PRKG1: variants seen among roughly 807,000 people sequenced by gnomAD.
PRKG1 encodes the protein cGMP-dependent protein kinase 1.
PRKG1 carries 35 observed loss-of-function variants against 88.1 expected under a neutral mutation model. The observed-to-expected ratio is 0.40, with a 90% CI of 0.30 to 0.53. PRKG1 has a LOEUF of 0.53. PRKG1 is among the 20% of genes least tolerant of loss of function. The pLI is 0.59. For missense variants in PRKG1, 540 were observed against 839.8 expected (o/e 0.64, Z 4.41); for synonymous variants, 303 against 292.5 (o/e 1.04, Z -0.37).
chr10:52,111,589 T>A (rs548260282), intron 7 of PRKG1, among the ~76,000 whole-genome samples: 1 of 152,326 alleles, frequency 6.6e-6, no homozygotes, highest in African/African-American at 2.4e-5. Flanking sequence ...CTGGATTGTG[T>A]ATGTCAGTGA....
At chr10:51,569,512 G>T (rs773794917) in intron 3 of PRKG1, among the ~76,000 whole-genome samples, 3 of 151,968 alleles carry the variant, frequency 2.0e-5, no homozygotes, top group Non-Finnish European at 4.4e-5. Flanking sequence ...TTTGTAAAAT[G>T]CTTTGTGTAC....
At chr10:51,658,584 A>G (rs1195206446) in intron 3 of PRKG1, among the ~76,000 whole-genome samples, 1 of 152,084 alleles carries the variant, frequency 6.6e-6, no homozygotes, top group Non-Finnish European at 1.5e-5. Context: ...AGGGAAAAAA[A>G]AAAAATTCAT....
chr10:51,428,970 A>G (rs1335020785), intron 2 of PRKG1, among the ~76,000 whole-genome samples: 1 of 150,806 alleles, frequency 6.6e-6, no homozygotes, highest in Admixed American at 6.6e-5. Flanking sequence ...GTCTGTACAC[A>G]TGTGCAAATT....
intron 3 of PRKG1, among the ~76,000 whole-genome samples, chr10:51,766,273 TA>T (rs1838160461): frequency 6.6e-6 from 1 of 152,176 alleles, no homozygotes; most frequent in Admixed American, 6.5e-5. Flanking sequence ...CTCATTTGCA[TA>T]AGGCACACAT....
intron 1 of PRKG1, among the ~76,000 whole-genome samples, chr10:51,147,658 AT>A (rs1845974899): frequency 6.6e-6 from 1 of 152,214 alleles, no homozygotes; most frequent in Non-Finnish European, 1.5e-5. Flanking sequence ...AATGTATGTA[AT>A]AAAAGATAAA....
At chr10:51,885,363 T>G (rs1841541873) in intron 4 of PRKG1, among the ~76,000 whole-genome samples, 1 of 152,260 alleles carries the variant, frequency 6.6e-6, no homozygotes, top group Non-Finnish European at 1.5e-5. Flanking sequence ...TTTAGCAATA[T>G]AAGATAAAAT....
intron 6 of PRKG1, among the ~76,000 whole-genome samples, chr10:52,056,977 G>A (rs7086973): frequency 0.014 from 2,138 of 152,200 alleles, 52 homozygotes; most frequent in African/African-American, 0.049. Context: ...AGGCAAATAA[G>A]TTGTGGAACT....
chr10:52,286,141 A>C (rs1445355595), intron 14 of PRKG1, among the ~76,000 whole-genome samples: 3 of 152,122 alleles, frequency 2.0e-5, no homozygotes, highest in Non-Finnish European at 4.4e-5. Flanking sequence ...TGAATTAATG[A>C]ATTAAATTCA....
At position 51,233,003 on chromosome 10, in the gene PRKG1, G is replaced by A. The variant is rs1004728404; in HGVS notation, c.478+79673G>A. Among the ~76,000 whole-genome samples the A allele has an allele frequency of 2.6e-5, 4 of 152,330 alleles. No individual in the cohort carries two copies. The East Asian group carries it at 7.7e-4, about 29-fold the overall frequency. ...TGGGCTCAAAGACTCAAGATATTCA[G>A]TGATGAGCCCCAAAACTGCAGTGCA... On this transcript the variant is annotated intron_variant, in intron 2 of 17. Coordinates refer to ENST00000373980, the MANE Select transcript of PRKG1 (RefSeq NM_006258.4).
chr10:51,744,312 G>A (rs942706477), intron 3 of PRKG1, among the ~76,000 whole-genome samples: 3 of 152,176 alleles, frequency 2.0e-5, no homozygotes, highest in Non-Finnish European at 4.4e-5. Flanking sequence ...AAGCAGAAGA[G>A]CTGGGACTTG....
chr10:51,717,078 G>T (rs1412329066), intron 3 of PRKG1, among the ~76,000 whole-genome samples: 9 of 152,306 alleles, frequency 5.9e-5, no homozygotes, highest in Admixed American at 5.2e-4. Context: ...TGAACACACT[G>T]GTGGGCAGCG....
intron 3 of PRKG1, among the ~76,000 whole-genome samples, chr10:51,674,714 G>A (rs974502683): frequency 3.3e-5 from 5 of 152,142 alleles, no homozygotes; most frequent in African/African-American, 7.2e-5. Context: ...TACCAATGGA[G>A]GGAATTAAAT....
Position 52,296,423 on chromosome 10 carries a change from T to A in PRKG1, c.*2523T>A, listed in dbSNP as rs186874046. Reference sequence around the variant, plus strand: ...CACAAAATAAAGGTAAACTACATCTTCCAAGATGTACCAACAGAAAACATT... The same window carrying A: ...CACAAAATAAAGGTAAACTACATCTACCAAGATGTACCAACAGAAAACATT... On this transcript the variant is annotated 3_prime_UTR_variant, in exon 18 of 18. Coordinates refer to ENST00000373980, the MANE Select transcript of PRKG1 (RefSeq NM_006258.4). 6.6e-6 allele frequency: 1 copy of A among 152,200 alleles called. No homozygotes were observed. Among genetic ancestry groups the A allele is most frequent in the East Asian group, 1.9e-4 (1 of 5,192 alleles). The allele number at this position is 152,200 out of a possible 1,614,324, so 9.4% of individuals were successfully genotyped here.
At chr10:51,654,281 A>G (rs1265379530) in intron 3 of PRKG1, among the ~76,000 whole-genome samples, 1 of 152,150 alleles carries the variant, frequency 6.6e-6, no homozygotes, top group Non-Finnish European at 1.5e-5. Flanking sequence ...TATTGAAAAG[A>G]CTGTCCTTTT....
chr10:51,346,452 A>C (rs1362856707), intron 2 of PRKG1, among the ~76,000 whole-genome samples: 1 of 152,222 alleles, frequency 6.6e-6, no homozygotes. Flanking sequence ...AAAGAAATTA[A>C]GATTTTTATC....
chr10:51,547,551 C>A (rs1363472965), intron 3 of PRKG1, among the ~76,000 whole-genome samples: 2 of 152,066 alleles, frequency 1.3e-5, no homozygotes, highest in South Asian at 2.1e-4. Context: ...TGAAAGTTCT[C>A]ATTCTTGTCT....
chr10:52,149,639 A>G (rs1837845728), intron 8 of PRKG1, among the ~76,000 whole-genome samples: 1 of 150,812 alleles, frequency 6.6e-6, no homozygotes, highest in Non-Finnish European at 1.5e-5. Flanking sequence ...GGCAGGACAA[A>G]ATAACTCACC....
chr10:51,641,015 A>G (rs1839785444), intron 3 of PRKG1, among the ~76,000 whole-genome samples: 1 of 152,206 alleles, frequency 6.6e-6, no homozygotes, highest in Admixed American at 6.5e-5. Flanking sequence ...TTAGTGGTCA[A>G]AGTGTAGATG....
intron 3 of PRKG1, among the ~76,000 whole-genome samples, chr10:51,617,869 G>T (rs1839101925): frequency 6.6e-6 from 1 of 152,118 alleles, no homozygotes; most frequent in African/African-American, 2.4e-5. Flanking sequence ...ATGCTTACAT[G>T]GTGGCAAAGC....
Sources: gnomAD v4.1 joint callset for allele counts (sites outside exome capture counted in the v4.1 genomes callset) on GRCh38, gnomAD v4.1.1 for gene constraint, MANE v1.5 for transcripts, NCBI Gene and HGNC (gene_info 2026-07-23, HGNC 2026-07-21) for gene names.